Variants in PIK3R6 observed in about 807,000 individuals in gnomAD.
PIK3R6 encodes phosphoinositide-3-kinase regulatory subunit 6.
PIK3R6 carries 91 observed loss-of-function variants against 84.9 expected under a neutral mutation model. That is an observed-to-expected ratio of 1.07 (90% confidence interval 0.90 to 1.28). The LOEUF is 1.28. Ranked by LOEUF, PIK3R6 falls within the 50% of genes most tolerant of loss-of-function variation. The pLI, the probability that PIK3R6 is intolerant of heterozygous loss-of-function variation, is 0.00. For synonymous variants in PIK3R6, 416 were observed against 411.4 expected, an observed-to-expected ratio of 1.01 and a Z score of -0.13; for missense variants, 996 against 985.1, an observed-to-expected ratio of 1.01 and a Z score of -0.15.
chr17:8,831,039 G>A (rs537146812), intron 9 of PIK3R6, among the ~76,000 whole-genome samples: 7 of 151,798 alleles, frequency 4.6e-5, no homozygotes, highest in South Asian at 2.1e-4. Context: ...CCAGCTACTC[G>A]GGAGGCTGAG....
Position 8,831,271 on chromosome 17 carries a change from A to T in PIK3R6, c.803-1479T>A, listed in dbSNP as rs2088228821. Among the ~76,000 whole-genome samples the T allele has an allele frequency of 3.5e-5, 5 of 141,000 alleles. No homozygotes were observed. In the Admixed American group the frequency reaches 3.7e-4, roughly 11 times the overall value. The allele number at this position is 141,000 out of a possible 152,430, so 92.5% of individuals were successfully genotyped here. A position where few individuals can be genotyped will look rare whatever the true frequency, so the allele number is the denominator to read the frequency against. On this transcript the variant is annotated intron_variant, in intron 9 of 19. Transcript: ENST00000619866. ...CTTAAGCCCAGGAGGTCAAGGCTGC[A>T]GTGAGCCATGATCGAGCCACTGCAC...
In PIK3R6 at chr17:8,821,921, G is replaced by A. The variant is rs768347121; in HGVS notation, c.1804C>T (p.Arg602Trp). ...LCYQKALLSH[R>W]PREVTVSLRA... is the part of the protein sequence containing the mutation. ...AGGGAAACGGTGACCTCTCGGGGCC[G>A]GTGGCTAAGCAAGGCCTGAGGAGGG... The change falls in exon 17 of 20, where the codon CGG becomes TGG. Residue 602 changes from arginine to tryptophan, a missense_variant. Coordinates refer to ENST00000619866, the MANE Select transcript of PIK3R6 (RefSeq NM_001010855.4). The A allele has an allele frequency of 2.0e-5, 31 of 1,585,016 alleles. No homozygotes were observed. The highest frequency in any genetic ancestry group is 4.0e-5 in the African/African-American group (3 of 74,338).
At chr17:8,810,273 G>A (rs762245864) in intron 18 of PIK3R6, among the ~76,000 whole-genome samples, 6 of 147,628 alleles carry the variant, frequency 4.1e-5, no homozygotes, top group Admixed American at 6.9e-5. Flanking sequence ...CCACTATCAC[G>A]AGAACAGCAT....
chr17:8,833,110 C>A, intron 8 of PIK3R6, 65 bp from the exon 9 acceptor site: 1 of 1,477,842 alleles, frequency 6.8e-7, no homozygotes, highest in South Asian at 1.3e-5. Context: ...GCTCCTAAGC[C>A]AAGTCCGCAG....
rs372792060 is a variant in PIK3R6, at chr17:8,829,721, C to T, written c.874G>A (p.Gly292Ser). The T allele has an allele frequency of 5.4e-5, 84 of 1,553,054 alleles. No individual in the cohort carries two copies. Among genetic ancestry groups the T allele is most frequent in the East Asian group, 1.5e-4 (6 of 41,032 alleles). The stretch of plus-strand genomic sequence containing the variant: ...GGGCACGTACAGAGCTGCTCCTCAC[C>T]GGTCCACAAGTGGAAGGTGATGTAG... ...SPYITFHLWT[G>S]EEQLWKELVL... The change falls in exon 10 of 20, where the codon GGT becomes AGT. Residue 292 changes from glycine to serine, a missense_variant. Physicochemically the swap from Gly to Ser is moderately conservative, Grantham distance 56. Coordinates refer to ENST00000619866, the MANE Select transcript of PIK3R6 (RefSeq NM_001010855.4).
At position 8,839,769 on chromosome 17, in the gene PIK3R6, G is replaced by A. The variant is rs2088613056; in HGVS notation, c.14-72C>T. ...CCCTCGTCCCACCTCCATTCCTTCC[G>A]AGAGTGTCTTTAGCCATTTCTCTGA... On this transcript the variant is annotated intron_variant, in intron 2 of 19. Transcript: ENST00000619866. This position sits in a 1 kb window ranked among gnomAD's most constrained non-coding sequence, Gnocchi z 4.2. 2.3e-6 allele frequency: 3 copies of A among 1,294,760 alleles called. No individual in the cohort carries two copies. Among genetic ancestry groups the A allele is most frequent in the Non-Finnish European group, 2.1e-6 (2 of 933,698 alleles). 80.2% of individuals were successfully genotyped at this position (1,294,760 alleles called of 1,614,324 possible). A position where few individuals can be genotyped will look rare whatever the true frequency, so the allele number is the denominator to read the frequency against.
At chr17:8,851,453 C>T (rs1401602197) in intron 1 of PIK3R6, among the ~76,000 whole-genome samples, 6 of 152,080 alleles carry the variant, frequency 3.9e-5, no homozygotes, top group Admixed American at 2.6e-4. Context: ...GCCGAGATCG[C>T]GCCACTGCAC....
chr17:8,858,122 C>T (rs2089186440), intron 1 of PIK3R6, among the ~76,000 whole-genome samples: 1 of 152,108 alleles, frequency 6.6e-6, no homozygotes, highest in Non-Finnish European at 1.5e-5. Flanking sequence ...CTGACCACAC[C>T]AGTGTGGGGG....
In PIK3R6 at chr17:8,803,724, G is replaced by T; in HGVS notation, c.2109-295C>A. Reference sequence around the variant, plus strand: ...GCTAACTGGAACACAGATGCCACAGGTCAGCCTGTGTGGGAGGGGCCCGTG... The same window carrying T: ...GCTAACTGGAACACAGATGCCACAGTTCAGCCTGTGTGGGAGGGGCCCGTG... On this transcript the variant is annotated intron_variant, in intron 19 of 19. Coordinates refer to ENST00000619866, the MANE Select transcript of PIK3R6 (RefSeq NM_001010855.4). This position sits in a 1 kb window ranked among gnomAD's most constrained non-coding sequence, Gnocchi z 5.0. 1.8e-6 allele frequency: 1 copy of T among 549,894 alleles called. No individual in the cohort carries two copies. Among genetic ancestry groups the T allele is most frequent in the Non-Finnish European group, 3.2e-6 (1 of 309,202 alleles). 34.1% of individuals were successfully genotyped at this position (549,894 alleles called of 1,614,324 possible). A position where few individuals can be genotyped will look rare whatever the true frequency, so the allele number is the denominator to read the frequency against.
intron 8 of PIK3R6, among the ~76,000 whole-genome samples, chr17:8,833,673 C>G (rs12938813): frequency 6.6e-6 from 1 of 151,256 alleles, no homozygotes; most frequent in African/African-American, 2.4e-5. Context: ...TCCCGAGTAT[C>G]TGGGACTACA....
At chr17:8,851,410 G>A (rs1289326555) in intron 1 of PIK3R6, among the ~76,000 whole-genome samples, 3 of 139,920 alleles carry the variant, frequency 2.1e-5, no homozygotes, top group Non-Finnish European at 3.1e-5. Flanking sequence ...GCAGGAGAAT[G>A]GCGTGAACCC....
chr17:8,839,262 C>T lies in PIK3R6; in HGVS notation c.97+352G>A, dbSNP rs574109646. 3.9e-5 allele frequency among the ~76,000 whole-genome samples: 6 copies of T among 152,046 alleles called. No individual in the cohort carries two copies. In the East Asian group the frequency reaches 7.7e-4, roughly 20 times the overall value. On this transcript the variant is annotated intron_variant, in intron 3 of 19. Transcript: ENST00000619866. The surrounding 1 kb of genome is among the most constrained non-coding windows in gnomAD (Gnocchi z 4.2). ...ACTTGGGAGGCTGAGGCAGGAGGAT[C>T]GCTTGAACCAGGGAGGCAGAGGTTG...
chr17:8,849,313 C>A (rs1314881326), intron 2 of PIK3R6, among the ~76,000 whole-genome samples: 1 of 152,220 alleles, frequency 6.6e-6, no homozygotes, highest in Non-Finnish European at 1.5e-5. Context: ...GGGTTCCACT[C>A]CTGATTTGAC....
rs371534510 is a variant in PIK3R6, at chr17:8,818,507, G to A, written c.1995+576C>T. On this transcript the variant is annotated intron_variant, in intron 18 of 19. Transcript: ENST00000619866. ...CTACTAAAAATACAAAAATTAGCTGGGCGAGGTGGTGCACGCCTGTAGTCC... is the reference window on the plus strand; with the variant it reads ...CTACTAAAAATACAAAAATTAGCTGAGCGAGGTGGTGCACGCCTGTAGTCC... Among the ~76,000 whole-genome samples, 283 of 152,218 alleles carry A rather than the reference G, an allele frequency of 1.9e-3. 4 individuals carry two copies. Among genetic ancestry groups the A allele is most frequent in the African/African-American group, 6.1e-3 (255 of 41,554 alleles).
At chr17:8,845,894 G>A (rs1468033816) in intron 2 of PIK3R6, among the ~76,000 whole-genome samples, 1 of 152,108 alleles carries the variant, frequency 6.6e-6, no homozygotes, top group Non-Finnish European at 1.5e-5. Context: ...CTGAGATTAC[G>A]CCACTGCACT....
At position 8,836,890 on chromosome 17, in the gene PIK3R6, T is replaced by A. The variant is rs1347599530; in HGVS notation, c.292A>T (p.Ile98Phe). ...AGTAACCTTGTGCAAAAGGCATAGA[T>A]TCTCTGGTAGAGCTCTTCTGTGATT... is the stretch of plus-strand genomic sequence containing the variant. The part of the protein sequence containing the change: ...TGITEELYQR[I>F]YAFCTRLLTL... Residue 98 changes from isoleucine (I) to phenylalanine (F), a missense_variant, in exon 6 of 20, where the codon ATC becomes TTC. Ile to Phe is a conservative substitution (Grantham distance 21, BLOSUM62 0). Coordinates refer to ENST00000619866, the MANE Select transcript of PIK3R6 (RefSeq NM_001010855.4). The A allele has an allele frequency of 4.5e-6, 7 of 1,556,820 alleles. No homozygotes were observed. The highest frequency in any genetic ancestry group is 2.4e-5 in the East Asian group (1 of 41,386).
intron 18 of PIK3R6, among the ~76,000 whole-genome samples, chr17:8,817,300 C>CT (rs370645710): frequency 1.3e-5 from 2 of 152,184 alleles, no homozygotes; most frequent in East Asian, 3.9e-4. Flanking sequence ...ACTTTTTGTG[C>CT]TTTTTTTATA....
rs561603476 is a variant in PIK3R6, at chr17:8,815,313, C to T, written c.1995+3770G>A. On this transcript the variant is annotated intron_variant, in intron 18 of 19. Coordinates refer to ENST00000619866, the MANE Select transcript of PIK3R6 (RefSeq NM_001010855.4). ...ACGAGGCCAAGAGATAGAGACAATC[C>T]TGGCCAACGTGGTGAAACCCCATCT... Among the ~76,000 whole-genome samples, 25 of 152,258 alleles carry T rather than the reference C, an allele frequency of 1.6e-4. No homozygotes were observed. In the South Asian group the frequency reaches 5.2e-3, roughly 32 times the overall value.
intron 7 of PIK3R6, among the ~76,000 whole-genome samples, chr17:8,836,188 C>G (rs2088458400): frequency 6.6e-6 from 1 of 152,224 alleles, no homozygotes; most frequent in African/African-American, 2.4e-5. Context: ...ATTCTGGAGT[C>G]TCCTCTGGCT....
Sources: allele counts gnomAD v4.1 joint callset (sites outside exome capture counted in the v4.1 genomes callset), GRCh38; gene constraint gnomAD v4.1.1; non-coding constraint Gnocchi (gnomAD v3.1); transcripts MANE v1.5; gene names NCBI Gene and HGNC (gene_info 2026-07-23, HGNC 2026-07-21).